Variants in TRPC4 observed in about 807,000 individuals in gnomAD.
TRPC4 encodes the protein transient receptor potential cation channel subfamily C member 4.
A neutral mutation model predicts 99.4 loss-of-function variants in TRPC4; 49 were observed. The observed-to-expected ratio is 0.49, with a 90% CI of 0.39 to 0.63. TRPC4 has a LOEUF of 0.63. TRPC4 is among the 20% of genes least tolerant of loss of function. TRPC4 has a pLI of 0.00. For missense variants in TRPC4, 898 were observed against 1,152.9 expected (o/e 0.78, Z 3.20); for synonymous variants, 454 against 425.9 (o/e 1.07, Z -0.81).
At position 37,635,234 on chromosome 13, in the gene TRPC4, T is replaced by A. The variant is rs1278764709; in HGVS notation, c.*1669A>T. ...ATATGCATGTTTTATAACTTGCTCTTTTTATGTTCTGAAAGGCAGTTACAA... is the reference window on the plus strand; with the variant it reads ...ATATGCATGTTTTATAACTTGCTCTATTTATGTTCTGAAAGGCAGTTACAA... On this transcript the variant is annotated 3_prime_UTR_variant, in exon 11 of 11. Transcript: ENST00000379705. 3.3e-5 allele frequency among the ~76,000 whole-genome samples: 5 copies of A among 152,112 alleles called. No individual in the cohort carries two copies. The highest frequency in any genetic ancestry group is 5.9e-5 in the Non-Finnish European group (4 of 68,002).
At chr13:37,698,671 C>T (rs1333360) in intron 3 of TRPC4, among the ~76,000 whole-genome samples, 82,007 of 151,882 alleles carry the variant, frequency 0.54, 22,508 homozygotes, top group African/African-American at 0.62. Flanking sequence ...TATCTAATTA[C>T]GGGAATAAAC....
At chr13:37,709,867 A>C (rs1216240489) in intron 3 of TRPC4, among the ~76,000 whole-genome samples, 2 of 152,080 alleles carry the variant, frequency 1.3e-5, no homozygotes, top group Non-Finnish European at 2.9e-5. Context: ...AGAATAAATG[A>C]ATAAACATAT....
intron 5 of TRPC4, among the ~76,000 whole-genome samples, chr13:37,669,429 A>G (rs1485601288): frequency 6.6e-6 from 1 of 152,180 alleles, no homozygotes; most frequent in African/African-American, 2.4e-5. Flanking sequence ...ACTTTCCTCT[A>G]GAGGGTTAGG....
intron 3 of TRPC4, among the ~76,000 whole-genome samples, chr13:37,706,419 T>C (rs1156728846): frequency 6.6e-6 from 1 of 152,156 alleles, no homozygotes; most frequent in Non-Finnish European, 1.5e-5. Context: ...ACTGGGTTGC[T>C]TGAGGGTAGG....
intron 1 of TRPC4, among the ~76,000 whole-genome samples, chr13:37,845,093 A>C (rs1011519888): frequency 1.2e-4 from 18 of 152,188 alleles, no homozygotes; most frequent in African/African-American, 4.3e-4. Flanking sequence ...AATTCAGAGC[A>C]CAAGAATCCA....
intron 1 of TRPC4, among the ~76,000 whole-genome samples, chr13:37,813,313 TATC>T (rs1957755786): frequency 6.6e-6 from 1 of 151,758 alleles, no homozygotes; most frequent in Non-Finnish European, 1.5e-5. Flanking sequence ...CTTAAATTAA[TATC>T]ATAAACTTCT....
chr13:37,757,178 A>C (rs547848395), intron 2 of TRPC4, among the ~76,000 whole-genome samples: 13 of 152,234 alleles, frequency 8.5e-5, no homozygotes, highest in African/African-American at 3.1e-4. Flanking sequence ...CTTTTGAAAT[A>C]ATAAACATAT....
chr13:37,689,702 T>C (rs906429154), intron 4 of TRPC4, among the ~76,000 whole-genome samples: 2 of 152,222 alleles, frequency 1.3e-5, no homozygotes, highest in African/African-American at 4.8e-5. Flanking sequence ...CCAACTTCCA[T>C]GAAATATTCT....
chr13:37,827,865 C>A (rs887745836), intron 1 of TRPC4, among the ~76,000 whole-genome samples: 1 of 152,230 alleles, frequency 6.6e-6, no homozygotes, highest in African/African-American at 2.4e-5. Context: ...GTGCCCCTCC[C>A]CTAGCCTCGC....
At chr13:37,664,618 G>A (rs1952575059) in intron 5 of TRPC4, among the ~76,000 whole-genome samples, 2 of 152,120 alleles carry the variant, frequency 1.3e-5, no homozygotes, top group South Asian at 4.2e-4. Flanking sequence ...AGATATTGCA[G>A]TATGAAAATC....
At chr13:37,749,675 G>T (rs1209059262) in intron 2 of TRPC4, among the ~76,000 whole-genome samples, 2 of 152,044 alleles carry the variant, frequency 1.3e-5, no homozygotes, top group Admixed American at 6.6e-5. Flanking sequence ...AAAGTCTGAG[G>T]TTTTCTTATT....
At chr13:37,849,306 C>A (rs1450385353) in intron 1 of TRPC4, among the ~76,000 whole-genome samples, 2 of 152,152 alleles carry the variant, frequency 1.3e-5, no homozygotes, top group African/African-American at 2.4e-5. Flanking sequence ...TACAAAAAAA[C>A]AACTTGGATG....
chr13:37,734,519 G>A (rs1955337708), intron 3 of TRPC4, among the ~76,000 whole-genome samples: 2 of 152,100 alleles, frequency 1.3e-5, no homozygotes, highest in Admixed American at 6.6e-5. Flanking sequence ...TTAGCTGCCA[G>A]CAAGATTTCC....
chr13:37,660,760 G>A (rs866324727), intron 6 of TRPC4, among the ~76,000 whole-genome samples: 14 of 151,952 alleles, frequency 9.2e-5, no homozygotes, highest in African/African-American at 2.2e-4. Context: ...ATAAGGTCTC[G>A]GAAATAGTGG....
intron 1 of TRPC4, among the ~76,000 whole-genome samples, chr13:37,825,343 T>C (rs969308786): frequency 5.3e-5 from 8 of 149,764 alleles, no homozygotes; most frequent in Admixed American, 1.3e-4. Flanking sequence ...CTTGCTTTTC[T>C]AGTTCTTTTA....
intron 1 of TRPC4, among the ~76,000 whole-genome samples, chr13:37,863,231 C>T (rs908838320): frequency 6.6e-6 from 1 of 151,500 alleles, no homozygotes; most frequent in African/African-American, 2.4e-5. Context: ...GGCCTACTTA[C>T]AAACATACTT....
At chr13:37,785,539 C>T (rs4264267) in intron 1 of TRPC4, among the ~76,000 whole-genome samples, 78,483 of 151,354 alleles carry the variant, frequency 0.52, 20,829 homozygotes, top group East Asian at 0.78. Context: ...ATATTTTTAG[C>T]TTGAGACTGG....
chr13:37,671,497 T>A lies in TRPC4; in HGVS notation c.1374+2731A>T, dbSNP rs558175258. ...TCTTTTAAAACTAAAATAAAACAAATGAGGAGACACATTAAAGATCTTACA... is the reference window on the plus strand; with the variant it reads ...TCTTTTAAAACTAAAATAAAACAAAAGAGGAGACACATTAAAGATCTTACA... On this transcript the variant is annotated intron_variant, in intron 5 of 10. Transcript: ENST00000379705. Among the ~76,000 whole-genome samples, 4 of 150,798 alleles carry A rather than the reference T, an allele frequency of 2.7e-5. No homozygotes were observed. In the South Asian group the frequency reaches 8.4e-4, roughly 32 times the overall value.
intron 10 of TRPC4, among the ~76,000 whole-genome samples, chr13:37,638,146 A>T (rs1331158718): frequency 6.6e-6 from 1 of 152,078 alleles, no homozygotes; most frequent in East Asian, 1.9e-4. Flanking sequence ...ATTTCTTCGG[A>T]TCTAACAGCA....
Sources: gnomAD v4.1 joint callset for allele counts (sites outside exome capture counted in the v4.1 genomes callset) on GRCh38, gnomAD v4.1.1 for gene constraint, MANE v1.5 for transcripts, NCBI Gene and HGNC (gene_info 2026-07-23, HGNC 2026-07-21) for gene names.